Variants in SAMD13 observed in about 807,000 individuals in gnomAD.
SAMD13 encodes the protein sterile alpha motif domain-containing protein 13.
In SAMD13, 9 loss-of-function variants were observed where a neutral mutation model predicts 12.4. That is an observed-to-expected ratio of 0.72 (90% CI 0.44 to 1.26). The LOEUF (loss-of-function observed/expected upper bound fraction) is 1.26. SAMD13 is among the 50% of genes most tolerant of loss of function. SAMD13 has a pLI of 0.00. For missense variants in SAMD13, 84 were observed against 119.6 expected (o/e 0.70, Z 1.39); for synonymous variants, 46 against 45.4 (o/e 1.01, Z -0.05).
At position 84,349,786 on chromosome 1, in the gene SAMD13, T is replaced by TGGG. The variant is rs889590618; in HGVS notation, c.*14_*16dup. The TGGG allele has an allele frequency of 1.3e-6, 2 of 1,594,852 alleles. No homozygotes were observed. The highest frequency in any genetic ancestry group is 3.6e-5 in the Admixed American group (2 of 55,588). ...ACAACTCTTCATAGTACAGTCAAAT[T>TGGG]GGGGTCTTCGACCTCAAAAAATACA... is the stretch of plus-strand genomic sequence containing the variant. On this transcript the variant is annotated 3_prime_UTR_variant, in exon 4 of 4. Transcript: ENST00000394834.
chr1:84,298,597 TG>T, upstream of SAMD13: 2 of 1,282,776 alleles, frequency 1.6e-6, no homozygotes, highest in South Asian at 3.7e-5. Flanking sequence ...GCCCAGGGCG[TG>T]GGAAGGCGCC....
At chr1:84,322,402 G>A (rs930413163) in intron 2 of SAMD13, among the ~76,000 whole-genome samples, 2 of 152,102 alleles carry the variant, frequency 1.3e-5, no homozygotes, top group Admixed American at 6.6e-5. Context: ...CTGAGCCTTC[G>A]TTTCCCAAAA....
rs1368777571 is a variant in SAMD13, at chr1:84,325,732, G to C, written c.149G>C (p.Ser50Thr). The C allele has an allele frequency of 3.1e-6, 5 of 1,609,518 alleles. No homozygotes were observed. Among genetic ancestry groups the C allele is most frequent in the Non-Finnish European group, 3.4e-6 (4 of 1,175,954 alleles). ...ACCGTGGGATTTGAGGAGCAAGCTA[G>C]TGCTTTTCAGGAACAGGTAACTTGG... ...FRTVGFEEQASAFQEQEIDGK... is the reference protein window; with the variant it reads ...FRTVGFEEQATAFQEQEIDGK... The change falls in exon 3 of 4, where the codon AGT becomes ACT. Residue 50 changes from serine to threonine, a missense_variant. Transcript: ENST00000394834.
chr1:84,340,667 A>T (rs899147212), intron 3 of SAMD13, among the ~76,000 whole-genome samples: 14 of 152,202 alleles, frequency 9.2e-5, no homozygotes, highest in African/African-American at 2.7e-4. Flanking sequence ...ATTTTATTTT[A>T]AAAAATATTA....
chr1:84,317,399 GA>G (rs1258599955), intron 2 of SAMD13, among the ~76,000 whole-genome samples: 2 of 151,796 alleles, frequency 1.3e-5, no homozygotes, highest in Non-Finnish European at 2.9e-5. Flanking sequence ...ACTTTGTTGA[GA>G]TTTTTTTTTT....
intron 3 of SAMD13, among the ~76,000 whole-genome samples, chr1:84,332,393 G>A (rs1305037361): frequency 6.6e-6 from 1 of 152,044 alleles, no homozygotes; most frequent in African/African-American, 2.4e-5. Flanking sequence ...AACCTCACCA[G>A]CATCTGTTTT....
intron 2 of SAMD13, among the ~76,000 whole-genome samples, chr1:84,308,496 C>A (rs553717191): frequency 7.2e-4 from 110 of 152,264 alleles, no homozygotes; most frequent in Non-Finnish European, 1.2e-3. Context: ...AAAAATTTTC[C>A]TCAATTGAGA....
intron 3 of SAMD13, among the ~76,000 whole-genome samples, chr1:84,332,443 T>C (rs1330316531): frequency 1.3e-5 from 2 of 152,198 alleles, no homozygotes; most frequent in African/African-American, 2.4e-5. Context: ...TAGTGCAAGA[T>C]GGTGTCTCGT....
chr1:84,303,368 T>C, intron 2 of SAMD13, 81 bp downstream of exon 2: 1 of 1,135,484 alleles, frequency 8.8e-7, no homozygotes, highest in Non-Finnish European at 1.3e-6. Flanking sequence ...CTTGCTTATC[T>C]ACTACAATAC....
intron 3 of SAMD13, among the ~76,000 whole-genome samples, chr1:84,343,489 C>G (rs1044518669): frequency 6.6e-6 from 1 of 152,038 alleles, no homozygotes; most frequent in Non-Finnish European, 1.5e-5. Context: ...ATAAAGAAAA[C>G]GTGGTACATA....
intron 2 of SAMD13, 54 bp downstream of exon 2, chr1:84,303,341 TTTC>T: frequency 6.9e-7 from 1 of 1,445,190 alleles, no homozygotes; most frequent in Non-Finnish European, 9.7e-7. Flanking sequence ...AGGGACTTAG[TTTC>T]TATTTTCGTA....
At chr1:84,340,769 G>A (rs1391335921) in intron 3 of SAMD13, among the ~76,000 whole-genome samples, 1 of 152,216 alleles carries the variant, frequency 6.6e-6, no homozygotes, top group Non-Finnish European at 1.5e-5. Flanking sequence ...TTGTCCTTAT[G>A]TGATGGTTAA....
intron 3 of SAMD13, among the ~76,000 whole-genome samples, chr1:84,341,188 G>T (rs1679416885): frequency 6.6e-6 from 1 of 152,076 alleles, no homozygotes; most frequent in Non-Finnish European, 1.5e-5. Context: ...GTATCTCATT[G>T]GTTCTGTTTC....
chr1:84,305,812 A>C (rs908274515), intron 2 of SAMD13, among the ~76,000 whole-genome samples: 4 of 152,158 alleles, frequency 2.6e-5, no homozygotes, highest in Non-Finnish European at 5.9e-5. Context: ...ACATATGTGC[A>C]GGCTTATTTC....
upstream of SAMD13, chr1:84,301,562 A>G: frequency 1.0e-6 from 1 of 976,678 alleles, no homozygotes; most frequent in Non-Finnish European, 1.2e-6. Flanking sequence ...AGTTAGCAAA[A>G]GTGAACAGGC....
At position 84,325,641 on chromosome 1, in the gene SAMD13, A is replaced by T. The variant is rs767923942; in HGVS notation, c.58A>T (p.Met20Leu). 7 of 1,605,258 alleles carry T rather than the reference A, an allele frequency of 4.4e-6. No individual in the cohort carries two copies. The Middle Eastern group carries it at 6.7e-4, about 154-fold the overall frequency. Residue 20 changes from methionine to leucine, a missense_variant, in exon 3 of 4, where the codon ATG (methionine) becomes TTG (leucine). Physicochemically the swap from Met to Leu is conservative, Grantham distance 15. Coordinates refer to ENST00000394834, the MANE Select transcript of SAMD13 (RefSeq NM_001134663.2). ...ENGSVGVKNS[M>L]ENGRPPDPAD... ...GTCTGGATTTGTGTTTTGCAGTTCCATGGAAAATGGGAGACCACCTGATCC... is the reference window on the plus strand; with the variant it reads ...GTCTGGATTTGTGTTTTGCAGTTCCTTGGAAAATGGGAGACCACCTGATCC...
At chr1:84,330,074 A>G (rs1679144451) in intron 3 of SAMD13, among the ~76,000 whole-genome samples, 2 of 152,194 alleles carry the variant, frequency 1.3e-5, no homozygotes, top group Admixed American at 1.3e-4. Flanking sequence ...AGCACCTTCT[A>G]GCAGACAAAC....
At chr1:84,337,392 ATTC>A (rs2101815112) in intron 3 of SAMD13, among the ~76,000 whole-genome samples, 1 of 152,276 alleles carries the variant, frequency 6.6e-6, no homozygotes, top group African/African-American at 2.4e-5. Context: ...CCAAACCTCA[ATTC>A]TTGACTTCTC....
chr1:84,334,807 C>T (rs546785266), intron 3 of SAMD13, among the ~76,000 whole-genome samples: 2 of 152,172 alleles, frequency 1.3e-5, no homozygotes, highest in African/African-American at 4.8e-5. Flanking sequence ...CCTTTAATCT[C>T]TTTGTTTACC....
Sources: allele counts gnomAD v4.1 joint callset (sites outside exome capture counted in the v4.1 genomes callset), GRCh38; gene constraint gnomAD v4.1.1; transcripts MANE v1.5; gene names NCBI Gene and HGNC (gene_info 2026-07-23, HGNC 2026-07-21).